FSIP1: variants seen among roughly 807,000 people sequenced by gnomAD.
The protein encoded by FSIP1 is fibrous sheath-interacting protein 1.
In FSIP1, 65 loss-of-function variants were observed where a neutral mutation model predicts 60.9. That is an observed-to-expected ratio of 1.07 (90% CI 0.87 to 1.31). FSIP1 has a LOEUF of 1.31. Among genes scored for constraint, FSIP1 ranks in the 40% most tolerant of loss-of-function variants. FSIP1 has a pLI of 0.00. For synonymous variants in FSIP1, 209 were observed against 221.2 expected (o/e 0.94, Z 0.49); for missense variants, 675 against 665.5 (o/e 1.01, Z -0.16).
At chr15:39,735,565 G>A (rs1241382629) in intron 8 of FSIP1, among the ~76,000 whole-genome samples, 4 of 152,086 alleles carry the variant, frequency 2.6e-5, no homozygotes, top group Non-Finnish European at 5.9e-5. Context: ...TGAACACCAA[G>A]GACATTACTG....
intron 10 of FSIP1, among the ~76,000 whole-genome samples, chr15:39,620,757 A>ATAT (rs1891410943): frequency 6.9e-6 from 1 of 144,594 alleles, no homozygotes; most frequent in Non-Finnish European, 1.5e-5. Flanking sequence ...ACACCTGGCT[A>ATAT]ATATATATAT....
chr15:39,728,005 G>T (rs1389988317), intron 8 of FSIP1, among the ~76,000 whole-genome samples: 1 of 152,096 alleles, frequency 6.6e-6, no homozygotes, highest in Non-Finnish European at 1.5e-5. Flanking sequence ...CCCAAGCTGA[G>T]AGCCAAATCA....
intron 11 of FSIP1, among the ~76,000 whole-genome samples, chr15:39,615,972 G>GT (rs34560620): frequency 0.2 from 30,135 of 151,654 alleles, 3,640 homozygotes; most frequent in African/African-American, 0.33. Flanking sequence ...CAAAAAAATG[G>GT]TAAGTGAGGT....
chr15:39,734,998 T>C (rs1896552789), intron 8 of FSIP1, among the ~76,000 whole-genome samples: 2 of 152,172 alleles, frequency 1.3e-5, no homozygotes, highest in African/African-American at 4.8e-5. Flanking sequence ...CAAAAAGTCA[T>C]TATGAAAGCA....
intron 10 of FSIP1, among the ~76,000 whole-genome samples, chr15:39,701,991 T>C (rs2140525690): frequency 6.6e-6 from 1 of 152,274 alleles, no homozygotes; most frequent in East Asian, 1.9e-4. Context: ...CAACTGAACA[T>C]TCAACTTGGC....
At position 39,741,847 on chromosome 15, in the gene FSIP1, G is replaced by A. The variant is rs769904999; in HGVS notation, c.613C>T (p.Pro205Ser). 1.9e-6 allele frequency: 3 copies of A among 1,605,956 alleles called. No homozygotes were observed. Among genetic ancestry groups the A allele is most frequent in the African/African-American group, 1.3e-5 (1 of 74,696 alleles). ...TFSSVFHTQIPPEEYEMQMQK... is the reference protein window; with the variant it reads ...TFSSVFHTQISPEEYEMQMQK... ...ATCTGCATTTCATATTCTTCTGGAGGGATTTGAGTATGAAACACTGAGGAA... is the reference window on the plus strand; with the variant it reads ...ATCTGCATTTCATATTCTTCTGGAGAGATTTGAGTATGAAACACTGAGGAA... Residue 205 changes from proline (P) to serine (S), a missense_variant, in exon 6 of 12, where the codon CCT becomes TCT. Transcript: ENST00000350221.
At chr15:39,736,400 C>T (rs10459607) in intron 8 of FSIP1, among the ~76,000 whole-genome samples, 9,776 of 152,240 alleles carry the variant, frequency 0.064, 574 homozygotes, top group East Asian at 0.2. Flanking sequence ...TATGTTTTTG[C>T]TTTTTGGTGG....
chr15:39,750,564 T>C (rs999582889), intron 5 of FSIP1, among the ~76,000 whole-genome samples: 3 of 151,982 alleles, frequency 2.0e-5, no homozygotes, highest in Non-Finnish European at 2.9e-5. Flanking sequence ...TAAATGGTGC[T>C]GGGAAAACTG....
intron 10 of FSIP1, among the ~76,000 whole-genome samples, chr15:39,643,905 G>T (rs1322014541): frequency 6.6e-6 from 1 of 152,194 alleles, no homozygotes; most frequent in East Asian, 1.9e-4. Flanking sequence ...GTTTTGGTAT[G>T]ACTGGAAAAT....
intron 3 of FSIP1, 91 bp from the exon 4 acceptor site, chr15:39,765,837 A>T (rs1897667053): frequency 1.5e-6 from 1 of 688,382 alleles, no homozygotes; most frequent in African/African-American, 1.8e-5. Context: ...TCATTCAACA[A>T]ATATTTATAG....
At chr15:39,748,122 A>T (rs1323317354) in intron 5 of FSIP1, among the ~76,000 whole-genome samples, 1 of 152,078 alleles carries the variant, frequency 6.6e-6, no homozygotes, top group Non-Finnish European at 1.5e-5. Flanking sequence ...CTTCTTTTTT[A>T]AATCATCCTC....
chr15:39,604,443 C>G (rs979811934), intron 11 of FSIP1, among the ~76,000 whole-genome samples: 2 of 152,150 alleles, frequency 1.3e-5, no homozygotes, highest in Non-Finnish European at 1.5e-5. Context: ...TCATTTTATA[C>G]TGCTAAAATG....
chr15:39,765,166 A>G (rs537740603), intron 4 of FSIP1, among the ~76,000 whole-genome samples: 3 of 152,184 alleles, frequency 2.0e-5, no homozygotes, highest in African/African-American at 7.2e-5. Context: ...TACCTCCACA[A>G]AATAAAGCAA....
Position 39,600,907 on chromosome 15 carries a change from A to C in FSIP1, c.1719T>G (p.Asp573Glu), listed in dbSNP as rs1329333220. 5 of 1,611,442 alleles carry C rather than the reference A, an allele frequency of 3.1e-6. No homozygotes were observed. The African/African-American group carries it at 5.3e-5, about 17-fold the overall frequency. ...NTIADEQETKDAAEECKEP is the reference protein window; with the variant it reads ...NTIADEQETKEAAEECKEP ...AGGGTTCTTTACATTCTTCTGCTGCATCTTTAGTCTCCTGCTCATCTGCAC... is the reference window on the plus strand; with the variant it reads ...AGGGTTCTTTACATTCTTCTGCTGCCTCTTTAGTCTCCTGCTCATCTGCAC... The change falls in exon 12 of 12, where the codon GAT becomes GAG. Residue 573 changes from aspartate to glutamate, a missense_variant. Transcript: ENST00000350221.
At chr15:39,685,628 A>G (rs770483431) in intron 10 of FSIP1, among the ~76,000 whole-genome samples, 11 of 152,348 alleles carry the variant, frequency 7.2e-5, no homozygotes, top group Middle Eastern at 3.4e-3. Context: ...AGGGTAAAGA[A>G]AAGAAATGAC....
chr15:39,698,183 T>C (rs1295760572), intron 10 of FSIP1, among the ~76,000 whole-genome samples: 1 of 83,902 alleles, frequency 1.2e-5, no homozygotes, highest in Non-Finnish European at 3.2e-5. Context: ...ATATATAAAA[T>C]ATTAATTGTA....
intron 10 of FSIP1, among the ~76,000 whole-genome samples, chr15:39,662,386 A>G (rs1893331584): frequency 6.6e-6 from 1 of 152,150 alleles, no homozygotes; most frequent in Non-Finnish European, 1.5e-5. Flanking sequence ...AGCACCCAGA[A>G]GAGTTCTTTA....
chr15:39,700,295 A>C (rs759025115), intron 10 of FSIP1, among the ~76,000 whole-genome samples: 2 of 152,184 alleles, frequency 1.3e-5, no homozygotes, highest in Non-Finnish European at 2.9e-5. Flanking sequence ...AGCCTTTCCA[A>C]ATCGCTCTGC....
intron 10 of FSIP1, 50 bp from the exon 11 acceptor site, chr15:39,618,295 A>C: frequency 6.8e-7 from 1 of 1,475,706 alleles, no homozygotes; most frequent in Non-Finnish European, 9.2e-7. Flanking sequence ...GAGTAAACAC[A>C]TTTATTTTTG....
Sources: allele counts gnomAD v4.1 joint callset (sites outside exome capture counted in the v4.1 genomes callset), GRCh38; gene constraint gnomAD v4.1.1; transcripts MANE v1.5; gene names NCBI Gene and HGNC (gene_info 2026-07-23, HGNC 2026-07-21).